Variants in ZNF44 observed in about 807,000 individuals in gnomAD.
ZNF44 encodes zinc finger protein 44.
A neutral mutation model predicts 11.7 loss-of-function variants in ZNF44; 9 were observed. The observed-to-expected ratio is 0.77, with a 90% CI of 0.46 to 1.35. The LOEUF is 1.35. ZNF44 is among the 40% of genes most tolerant of loss of function. The probability of loss-of-function intolerance (pLI) is 0.00; values close to 1 mark genes in which losing one functional copy is unlikely to be tolerated. For synonymous variants in ZNF44, 224 were observed against 242.7 expected (o/e 0.92, Z 0.72); for missense variants, 696 against 743.1 (o/e 0.94, Z 0.74).
chr19:12,260,296 A>C, intron 5 of ZNF44: 1 of 852,758 alleles, frequency 1.2e-6, no homozygotes, highest in Non-Finnish European at 2.0e-6. Context: ...GCCGAGGACA[A>C]AGGTGTGGTG....
rs142823818 is a variant in ZNF44 at position 12,272,885 on chromosome 19, A to G, written c.1370T>C (p.Phe457Ser). The G allele has an allele frequency of 2.7e-4, 442 of 1,614,026 alleles. 1 individual carries two copies. In the African/African-American group the frequency reaches 4.7e-3, roughly 17 times the overall value. Reference protein sequence around the residue: ...QPYKCKCGKAFSDLFSFQSHE... With the variant: ...QPYKCKCGKASSDLFSFQSHE... ...ACTTTGAAAGGAAAATAAATCACTA[A>G]AAGCTTTTCCACATTTACATTTATA... The change falls in exon 4 of 4, where the codon TTT becomes TCT. Residue 457 changes from phenylalanine to serine, a missense_variant. Coordinates refer to ENST00000355684, the MANE Select transcript of ZNF44 (RefSeq NM_016264.4).
At chr19:12,243,528 G>A (rs1031760176), downstream of ZNF44, among the ~76,000 whole-genome samples, 2 of 152,166 alleles carry the variant, frequency 1.3e-5, no homozygotes, top group African/African-American at 4.8e-5. Flanking sequence ...GTAATATTCT[G>A]TTTAAATATA....
intron 5 of ZNF44, chr19:12,266,432 A>C: frequency 1.1e-5 from 8 of 718,768 alleles, no homozygotes; most frequent in Non-Finnish European, 1.4e-5. Context: ...AAAAAACCCA[A>C]ACCCACGGGC....
upstream of ZNF44, among the ~76,000 whole-genome samples, chr19:12,239,117 T>TAA (rs1478465362): frequency 6.6e-6 from 1 of 152,136 alleles, no homozygotes; most frequent in African/African-American, 2.4e-5. Flanking sequence ...AAACCTGAAC[T>TAA]AAACAGATTT....
At chr19:12,270,452 CTTTT>C (rs913439315), downstream of ZNF44, among the ~76,000 whole-genome samples, 3 of 147,224 alleles carry the variant, frequency 2.0e-5, no homozygotes, top group Non-Finnish European at 4.5e-5. Flanking sequence ...CCCATTTCAA[CTTTT>C]TTTTTTTCTT....
upstream of ZNF44, among the ~76,000 whole-genome samples, chr19:12,242,496 C>T (rs911839631): frequency 3.0e-5 from 4 of 132,248 alleles, no homozygotes; most frequent in Non-Finnish European, 4.8e-5. Flanking sequence ...GGTGACAGAG[C>T]GAGACTCCGG....
intron 2 of ZNF44, among the ~76,000 whole-genome samples, chr19:12,231,213 G>C (rs1437236961): frequency 6.6e-6 from 1 of 152,086 alleles, no homozygotes; most frequent in African/African-American, 2.4e-5. Context: ...GTTATGTCCT[G>C]TGTGGGTATG....
intron 5 of ZNF44, among the ~76,000 whole-genome samples, chr19:12,261,797 G>A (rs1291168968): frequency 6.6e-6 from 1 of 152,104 alleles, no homozygotes; most frequent in Non-Finnish European, 1.5e-5. Context: ...GAGCACTAGG[G>A]TAAACCAGGA....
At chr19:12,254,242 G>A (rs1205987767) in intron 5 of ZNF44, among the ~76,000 whole-genome samples, 1 of 150,132 alleles carries the variant, frequency 6.7e-6, no homozygotes, top group Non-Finnish European at 1.5e-5. Context: ...AGACTACAAT[G>A]ACAATATAAA....
exon 8 of ZNF44, chr19:12,247,686 C>T: frequency 7.4e-7 from 1 of 1,353,716 alleles, no homozygotes; most frequent in Non-Finnish European, 9.8e-7. Context: ...ACATTCCTTA[C>T]ATTTGTAGGG....
chr19:12,231,333 C>T (rs1916156566), intron 2 of ZNF44, among the ~76,000 whole-genome samples: 1 of 152,028 alleles, frequency 6.6e-6, no homozygotes, highest in African/African-American at 2.4e-5. Flanking sequence ...GGACACAGGC[C>T]AAGAGGACAT....
chr19:12,279,806 C>T (rs970366342), intron 1 of ZNF44, among the ~76,000 whole-genome samples: 1 of 116,206 alleles, frequency 8.6e-6, no homozygotes, highest in Non-Finnish European at 1.8e-5. Context: ...ATGTGAGCAA[C>T]CAGTGGAAAA....
At position 12,294,753 on chromosome 19, in the gene ZNF44, C is replaced by A. The variant is rs1046012612; in HGVS notation, c.-59G>T. The stretch of plus-strand genomic sequence containing the variant: ...CTCCCGTAGTCAGGGTAGGTCCCAG[C>A]GCGACAAAAGCCACCACAGATGTCC... On this transcript the variant is annotated 5_prime_UTR_variant, in exon 1 of 4. Coordinates refer to ENST00000355684, the MANE Select transcript of ZNF44 (RefSeq NM_016264.4). 35 of 1,535,160 alleles carry A rather than the reference C, an allele frequency of 2.3e-5. No individual in the cohort carries two copies. The Middle Eastern group carries it at 5.1e-4, about 22-fold the overall frequency.
downstream of ZNF44, chr19:12,244,786 G>A (rs1255169939): frequency 6.6e-6 from 1 of 152,066 alleles, no homozygotes; most frequent in African/African-American, 2.4e-5. Flanking sequence ...TCCTAGATAA[G>A]AACTATTAGA....
At chr19:12,294,045 G>T (rs991876155) in intron 1 of ZNF44, among the ~76,000 whole-genome samples, 1 of 151,190 alleles carries the variant, frequency 6.6e-6, no homozygotes, top group Non-Finnish European at 1.5e-5. Flanking sequence ...CTGACCGCCG[G>T]CTTCCCCATT....
chr19:12,231,682 G>GA (rs925211075), intron 2 of ZNF44, among the ~76,000 whole-genome samples: 3 of 151,950 alleles, frequency 2.0e-5, no homozygotes, highest in Admixed American at 6.6e-5. Flanking sequence ...ACAAAACCAG[G>GA]AAAAAAACAC....
At chr19:12,271,245 T>C (rs1966939829), downstream of ZNF44, among the ~76,000 whole-genome samples, 1 of 152,098 alleles carries the variant, frequency 6.6e-6, no homozygotes, top group Non-Finnish European at 1.5e-5. Flanking sequence ...TAAGGGAAAA[T>C]ATGCTAATGA....
chr19:12,270,341 T>C (rs897730519), downstream of ZNF44, among the ~76,000 whole-genome samples: 2 of 152,076 alleles, frequency 1.3e-5, no homozygotes, highest in African/African-American at 2.4e-5. Context: ...TTTTCTGTTA[T>C]GCTGATGAAA....
At chr19:12,277,970 A>C (rs1237516268) in intron 1 of ZNF44, among the ~76,000 whole-genome samples, 1 of 152,252 alleles carries the variant, frequency 6.6e-6, no homozygotes, top group Non-Finnish European at 1.5e-5. Context: ...CATACATTAG[A>C]AGGCCAGGTG....
Sources: gnomAD v4.1 joint callset for allele counts (sites outside exome capture counted in the v4.1 genomes callset) on GRCh38, gnomAD v4.1.1 for gene constraint, MANE v1.5 for transcripts, NCBI Gene and HGNC (gene_info 2026-07-23, HGNC 2026-07-21) for gene names.